Variants in NF1 observed in about 807,000 individuals in gnomAD.
The protein encoded by NF1 is neurofibromin.
NF1 carries 122 observed loss-of-function variants against 325.7 expected under a neutral mutation model. The ratio of observed to expected loss-of-function variants is 0.37; its 90% CI spans 0.32 to 0.44. The LOEUF (loss-of-function observed/expected upper bound fraction) is 0.44, where lower values mean the gene tolerates loss of function less well. Ranked by LOEUF, NF1 falls within the 20% of genes least tolerant of loss-of-function variation. NF1 has a pLI of 1.00. For synonymous variants in NF1, 1,091 were observed against 1,186.0 expected, an observed-to-expected ratio of 0.92 and a Z score of 1.65; for missense variants, 2,140 against 3,415.4, an observed-to-expected ratio of 0.63 and a Z score of 9.31.
intron 1 of NF1, among the ~76,000 whole-genome samples, chr17:31,119,100 C>A (rs1007424449): frequency 6.6e-6 from 1 of 152,100 alleles, no homozygotes; most frequent in Non-Finnish European, 1.5e-5. Context: ...TGCCACCACA[C>A]CCAGCTAATT....
intron 36 of NF1, among the ~76,000 whole-genome samples, chr17:31,271,235 A>G (rs1267902747): frequency 6.6e-6 from 1 of 152,224 alleles, no homozygotes; most frequent in East Asian, 1.9e-4. Flanking sequence ...TGATTTACAA[A>G]TGGTTTTTTG....
intron 36 of NF1, chr17:31,305,487 C>CA: frequency 1.9e-6 from 3 of 1,614,136 alleles, no homozygotes; most frequent in Non-Finnish European, 2.5e-6. Flanking sequence ...ATACCTGTGA[C>CA]ATTGATGATG....
intron 30 of NF1, chr17:31,252,055 G>C (rs1240918638): frequency 4.7e-6 from 1 of 214,452 alleles, no homozygotes; most frequent in African/African-American, 2.3e-5. Flanking sequence ...GAAATCTTTG[G>C]TCTAGAAAGA....
In NF1 at chr17:31,226,470, T is replaced by A. The variant is rs748775397; in HGVS notation, c.2037T>A (p.Ile679=). 12 of 1,613,648 alleles carry A rather than the reference T, an allele frequency of 7.4e-6. No individual in the cohort carries two copies. ...CAGGATGCAGCGGAACCCCCCCGAT[T>A]TGCCGACAAGCCCAGACCAAACTAG... ...SAAGCSGTPP[I]CRQAQTKLEV... is the part of the protein sequence containing the mutation. The change falls in exon 18 of 58, where the codon ATT becomes ATA. Residue 679 remains isoleucine (I), a synonymous_variant. Transcript: ENST00000358273.
chr17:31,130,502 C>T (rs1426642399), intron 1 of NF1, among the ~76,000 whole-genome samples: 2 of 151,596 alleles, frequency 1.3e-5, no homozygotes, highest in Non-Finnish European at 2.9e-5. Context: ...GTGGTGTTAG[C>T]ACAGGGGCAG....
At chr17:31,119,566 A>T (rs112587580) in intron 1 of NF1, among the ~76,000 whole-genome samples, 1 of 151,494 alleles carries the variant, frequency 6.6e-6, no homozygotes, top group African/African-American at 2.4e-5. Flanking sequence ...TAGGTTGCCT[A>T]TTCACTCATG....
At chr17:31,119,078 A>C (rs1034289344) in intron 1 of NF1, among the ~76,000 whole-genome samples, 3 of 151,942 alleles carry the variant, frequency 2.0e-5, no homozygotes, top group African/African-American at 7.3e-5. Context: ...ACTAGCTGGG[A>C]TTACAGGTGT....
chr17:31,315,876 A>G (rs2069008503), intron 36 of NF1, among the ~76,000 whole-genome samples: 1 of 152,112 alleles, frequency 6.6e-6, no homozygotes, highest in South Asian at 2.1e-4. Flanking sequence ...GGCTCCTACT[A>G]TAAAGCATAA....
intron 36 of NF1, among the ~76,000 whole-genome samples, chr17:31,280,113 T>G (rs962920884): frequency 6.6e-6 from 1 of 152,148 alleles, no homozygotes; most frequent in Non-Finnish European, 1.5e-5. Context: ...ATTTGGTAGC[T>G]TCAGCAGTTG....
chr17:31,202,584 A>G (rs1003703047), intron 11 of NF1, among the ~76,000 whole-genome samples: 4 of 152,106 alleles, frequency 2.6e-5, no homozygotes, highest in Non-Finnish European at 5.9e-5. Context: ...CAGGACCTTT[A>G]AGATCGTCTG....
chr17:31,318,963 C>T, intron 36 of NF1: 1 of 1,613,200 alleles, frequency 6.2e-7, no homozygotes, highest in South Asian at 1.1e-5. Flanking sequence ...CTGTTGTCAT[C>T]AGAAAGGCAA....
intron 2 of NF1, among the ~76,000 whole-genome samples, chr17:31,156,868 C>G (rs1364186919): frequency 1.3e-5 from 2 of 152,162 alleles, no homozygotes; most frequent in Non-Finnish European, 2.9e-5. Flanking sequence ...TTTAACATCT[C>G]CATTCTAAGC....
chr17:31,112,377 TC>T (rs1316291034), intron 1 of NF1, among the ~76,000 whole-genome samples: 3 of 152,328 alleles, frequency 2.0e-5, no homozygotes, highest in Non-Finnish European at 4.4e-5. Context: ...ACCAAGCTGT[TC>T]CTAAAGTGAT....
intron 5 of NF1, among the ~76,000 whole-genome samples, chr17:31,173,813 C>G (rs943883233): frequency 3.3e-5 from 5 of 152,116 alleles, no homozygotes; most frequent in African/African-American, 1.2e-4. Flanking sequence ...CAACAAGAAA[C>G]TTGTAGAACT....
intron 50 of NF1, among the ~76,000 whole-genome samples, chr17:31,350,750 G>C (rs1027141056): frequency 3.3e-5 from 5 of 151,972 alleles, no homozygotes; most frequent in African/African-American, 1.2e-4. Context: ...TTATTTAAAA[G>C]TTTTCTATAA....
chr17:31,171,533 T>C (rs2065928477), intron 5 of NF1, among the ~76,000 whole-genome samples: 1 of 152,192 alleles, frequency 6.6e-6, no homozygotes, highest in South Asian at 2.1e-4. Flanking sequence ...CCGTAATAAT[T>C]AACTGAAATG....
chr17:31,191,971 A>T (rs2066349801), intron 8 of NF1, among the ~76,000 whole-genome samples: 1 of 152,164 alleles, frequency 6.6e-6, no homozygotes, highest in Non-Finnish European at 1.5e-5. Context: ...CCAGTTCCTT[A>T]TGAATTCGCG....
At chr17:31,256,008 G>A (rs1021681290) in intron 31 of NF1, among the ~76,000 whole-genome samples, 7 of 152,200 alleles carry the variant, frequency 4.6e-5, no homozygotes, top group South Asian at 2.1e-4. Flanking sequence ...TGAGTTAAAC[G>A]TATGAGATGC....
intron 29 of NF1, among the ~76,000 whole-genome samples, chr17:31,241,514 T>G (rs558655824): frequency 1.3e-5 from 2 of 152,200 alleles, no homozygotes; most frequent in Non-Finnish European, 2.9e-5. Flanking sequence ...GTGCATCTGT[T>G]GTATGTTTTT....
Sources: gnomAD v4.1 joint callset for allele counts (sites outside exome capture counted in the v4.1 genomes callset) on GRCh38, gnomAD v4.1.1 for gene constraint, MANE v1.5 for transcripts, NCBI Gene and HGNC (gene_info 2026-07-23, HGNC 2026-07-21) for gene names.